The following TAFA2 variants were observed in gnomAD, a reference collection of about 807,000 sequenced individuals.
The protein encoded by TAFA2 is TAFA chemokine like family member 2.
In TAFA2, 7 loss-of-function variants were observed where a neutral mutation model predicts 18.8. The ratio of observed to expected loss-of-function variants is 0.37; its 90% CI spans 0.21 to 0.70. TAFA2 has a LOEUF of 0.70. TAFA2 is among the 30% of genes least tolerant of loss of function. TAFA2 has a pLI of 0.53. For missense variants in TAFA2, 122 were observed against 158.1 expected (o/e 0.77, Z 1.23); for synonymous variants, 60 against 54.2 (o/e 1.11, Z -0.47).
intron 2 of TAFA2, among the ~76,000 whole-genome samples, chr12:61,849,035 G>C (rs1873527117): frequency 6.6e-6 from 1 of 151,870 alleles, no homozygotes; most frequent in South Asian, 2.1e-4. Flanking sequence ...GTAGAGACAG[G>C]GTTTCACCAT....
chr12:62,204,090 A>G (rs1435784941), intron 1 of TAFA2, among the ~76,000 whole-genome samples: 1 of 152,250 alleles, frequency 6.6e-6, no homozygotes, highest in African/African-American at 2.4e-5. Context: ...TCCTTTGCTC[A>G]TGAAGCTTAG....
chr12:62,073,515 G>A (rs1882687161), intron 1 of TAFA2, among the ~76,000 whole-genome samples: 1 of 151,430 alleles, frequency 6.6e-6, no homozygotes, highest in Non-Finnish European at 1.5e-5. Context: ...ATATATTATA[G>A]ATAAGAAAAC....
chr12:62,162,965 G>A (rs1159207627), intron 1 of TAFA2, among the ~76,000 whole-genome samples: 2 of 151,792 alleles, frequency 1.3e-5, no homozygotes, highest in Non-Finnish European at 2.9e-5. Flanking sequence ...AAAAAAGGCA[G>A]CACTGCAAAT....
chr12:62,076,069 G>A (rs946130388), intron 1 of TAFA2, among the ~76,000 whole-genome samples: 1 of 152,064 alleles, frequency 6.6e-6, no homozygotes, highest in Non-Finnish European at 1.5e-5. Flanking sequence ...CTTCCTCTTT[G>A]TGACAATATC....
chr12:62,210,234 T>C (rs1025292120), intron 1 of TAFA2, among the ~76,000 whole-genome samples: 1 of 151,532 alleles, frequency 6.6e-6, no homozygotes, highest in Non-Finnish European at 1.5e-5. Context: ...CATCCAGATT[T>C]ACAAATAGAT....
intron 2 of TAFA2, among the ~76,000 whole-genome samples, chr12:61,819,539 T>C (rs769665270): frequency 1.3e-5 from 2 of 152,150 alleles, no homozygotes; most frequent in Non-Finnish European, 2.9e-5. Flanking sequence ...GGATGTGAAG[T>C]CAAAAACTTG....
At chr12:62,073,181 G>A (rs918047984) in intron 1 of TAFA2, among the ~76,000 whole-genome samples, 2 of 152,186 alleles carry the variant, frequency 1.3e-5, no homozygotes, top group African/African-American at 2.4e-5. Context: ...AAAGAATAGA[G>A]ACTGGAATCT....
chr12:62,079,922 T>C (rs184251817), intron 1 of TAFA2, among the ~76,000 whole-genome samples: 1 of 152,310 alleles, frequency 6.6e-6, no homozygotes, highest in East Asian at 1.9e-4. Flanking sequence ...TACCCACTTA[T>C]TAGCTCACAG....
chr12:62,001,461 A>G (rs1373945297), intron 1 of TAFA2, among the ~76,000 whole-genome samples: 1 of 152,162 alleles, frequency 6.6e-6, no homozygotes, highest in African/African-American at 2.4e-5. Flanking sequence ...CTGCAATTAG[A>G]TGGTCCCATC....
chr12:61,885,047 C>A (rs1417477230), intron 1 of TAFA2, among the ~76,000 whole-genome samples: 1 of 152,060 alleles, frequency 6.6e-6, no homozygotes, highest in East Asian at 1.9e-4. Flanking sequence ...TTTTTACAAA[C>A]CTCTTTCAAA....
At chr12:61,911,485 A>G (rs1876610372) in intron 1 of TAFA2, among the ~76,000 whole-genome samples, 2 of 152,206 alleles carry the variant, frequency 1.3e-5, no homozygotes, top group African/African-American at 4.8e-5. Context: ...GAACTCACAC[A>G]AAACTTTAAA....
intron 1 of TAFA2, chr12:62,021,780 C>T: frequency 1.9e-6 from 2 of 1,047,014 alleles, no homozygotes; most frequent in Non-Finnish European, 3.0e-6. Flanking sequence ...CAACACATGG[C>T]ACATGGCAGT....
At chr12:62,104,817 T>A (rs974374079) in intron 1 of TAFA2, 1 of 378,086 alleles carries the variant, frequency 2.6e-6, no homozygotes, top group Non-Finnish European at 5.3e-6. Context: ...CATCTCTTTA[T>A]GACAAGGTGA....
At chr12:62,006,198 C>T (rs1409286789) in intron 1 of TAFA2, among the ~76,000 whole-genome samples, 5 of 152,118 alleles carry the variant, frequency 3.3e-5, no homozygotes, top group Admixed American at 3.3e-4. Flanking sequence ...GTAAACCAAG[C>T]ACATGAGATT....
intron 1 of TAFA2, among the ~76,000 whole-genome samples, chr12:62,055,828 T>A (rs79107367): frequency 0.021 from 3,198 of 152,266 alleles, 76 homozygotes; most frequent in African/African-American, 0.05. Context: ...AAGTATCTTT[T>A]CATAAAGTAT....
intron 1 of TAFA2, among the ~76,000 whole-genome samples, chr12:62,211,436 T>C (rs2062713592): frequency 6.6e-6 from 1 of 152,036 alleles, no homozygotes; most frequent in African/African-American, 2.4e-5. Context: ...AAAAATTAGC[T>C]GGGCGTGGTG....
chr12:61,730,190 T>C (rs1870373165), intron 4 of TAFA2, among the ~76,000 whole-genome samples: 1 of 152,102 alleles, frequency 6.6e-6, no homozygotes, highest in South Asian at 2.1e-4. Context: ...CACTGGTTTT[T>C]CTGAACACTG....
chr12:61,955,632 AATATATATATATATATATAT>A lies in TAFA2; in HGVS notation c.-1-88226_-1-88207del, dbSNP rs775755094. Among the ~76,000 whole-genome samples, 272 of 41,194 alleles carry A rather than the reference AATATATATATATATATATAT, an allele frequency of 6.6e-3. 8 individuals carry two copies. The highest frequency in any genetic ancestry group is 0.022 in the East Asian group (34 of 1,512). 27.0% of individuals were successfully genotyped at this position (41,194 alleles called of 152,430 possible). ...AAAAAAAAAAAAAAAAAAAAAAAAAAATATATATATATATATATATATATATATATATATATATTTAATTT... is the reference window on the plus strand; with the variant it reads ...AAAAAAAAAAAAAAAAAAAAAAAAAAATATATATATATATATATTTAATTT... On this transcript the variant is annotated intron_variant, in intron 1 of 4. Transcript: ENST00000416284.
chr12:61,870,197 A>G (rs191259871), intron 1 of TAFA2, among the ~76,000 whole-genome samples: 1 of 152,306 alleles, frequency 6.6e-6, no homozygotes, highest in Non-Finnish European at 1.5e-5. Flanking sequence ...ACTCCTGTCC[A>G]GTTAATTACC....
Sources: gnomAD v4.1 joint callset for allele counts (sites outside exome capture counted in the v4.1 genomes callset) on GRCh38, gnomAD v4.1.1 for gene constraint, MANE v1.5 for transcripts, NCBI Gene and HGNC (gene_info 2026-07-23, HGNC 2026-07-21) for gene names.